Variants in CBLB observed in about 807,000 individuals in gnomAD.
CBLB encodes E3 ubiquitin-protein ligase CBL-B.
A neutral mutation model predicts 104.9 loss-of-function variants in CBLB; 31 were observed. That is an observed-to-expected ratio of 0.30 (90% CI 0.22 to 0.40). The LOEUF (loss-of-function observed/expected upper bound fraction) is 0.40, where lower values mean the gene tolerates loss of function less well. Ranked by LOEUF, CBLB falls within the 10% of genes least tolerant of loss-of-function variation. The pLI, the probability that CBLB is intolerant of heterozygous loss-of-function variation, is 1.00. For missense variants in CBLB, 1,062 were observed against 1,214.6 expected (o/e 0.87, Z 1.87); for synonymous variants, 440 against 422.6 (o/e 1.04, Z -0.51).
intron 12 of CBLB, among the ~76,000 whole-genome samples, chr3:105,695,256 A>G (rs1411904878): frequency 6.6e-6 from 1 of 151,892 alleles, no homozygotes; most frequent in Non-Finnish European, 1.5e-5. Flanking sequence ...AATAAAAGAC[A>G]GATATGGGAA....
chr3:105,856,348 CA>C (rs1169479720), intron 2 of CBLB, among the ~76,000 whole-genome samples: 1,525 of 31,106 alleles, frequency 0.049, 8 homozygotes, highest in African/African-American at 0.095. Flanking sequence ...GACTCCATCT[CA>C]AAAAAAAAAA....
At chr3:105,765,940 T>C (rs553146571) in intron 4 of CBLB, among the ~76,000 whole-genome samples, 12 of 152,308 alleles carry the variant, frequency 7.9e-5, no homozygotes, top group African/African-American at 2.4e-4. Flanking sequence ...CTGTCATATA[T>C]TGTGATAGCT....
At chr3:105,848,947 T>C (rs2090611981) in intron 3 of CBLB, among the ~76,000 whole-genome samples, 1 of 152,152 alleles carries the variant, frequency 6.6e-6, no homozygotes, top group African/African-American at 2.4e-5. Flanking sequence ...AAACATTTCA[T>C]GGGAGACTTT....
chr3:105,694,075 T>C (rs888796245), intron 12 of CBLB, among the ~76,000 whole-genome samples: 14 of 151,950 alleles, frequency 9.2e-5, no homozygotes, highest in Non-Finnish European at 1.6e-4. Flanking sequence ...TAATCAGAAG[T>C]GCCTTTGTTC....
chr3:105,731,142 T>C (rs9880861), intron 9 of CBLB, among the ~76,000 whole-genome samples: 38,560 of 151,976 alleles, frequency 0.25, 5,117 homozygotes, highest in Non-Finnish European at 0.28. Flanking sequence ...CAGTAACACA[T>C]AGACATGTTG....
At chr3:105,831,445 T>TA (rs774723739) in intron 3 of CBLB, among the ~76,000 whole-genome samples, 2 of 152,202 alleles carry the variant, frequency 1.3e-5, no homozygotes, top group Non-Finnish European at 2.9e-5. Flanking sequence ...ATTGTGAGCT[T>TA]CCCTCAAGTA....
chr3:105,722,980 A>C (rs2073101705), intron 9 of CBLB, among the ~76,000 whole-genome samples: 1 of 152,170 alleles, frequency 6.6e-6, no homozygotes, highest in South Asian at 2.1e-4. Context: ...TGTTGTTGAG[A>C]GTTTACATTA....
intron 18 of CBLB, among the ~76,000 whole-genome samples, chr3:105,659,514 TAGAG>T (rs1252912152): frequency 2.0e-5 from 3 of 152,152 alleles, no homozygotes; most frequent in Admixed American, 6.5e-5. Context: ...GTCAGAGAGA[TAGAG>T]AAAGGAAAAA....
At chr3:105,696,441 C>G (rs1279371830) in intron 12 of CBLB, among the ~76,000 whole-genome samples, 1 of 151,794 alleles carries the variant, frequency 6.6e-6, no homozygotes, top group Non-Finnish European at 1.5e-5. Flanking sequence ...TAAATCACAA[C>G]TTTGGGGGCT....
chr3:105,681,814 A>T lies in CBLB; in HGVS notation c.2206T>A (p.Cys736Ser). 1 of 1,586,886 alleles carries T rather than the reference A, an allele frequency of 6.3e-7. No homozygotes were observed. Among genetic ancestry groups the T allele is most frequent in the Non-Finnish European group, 8.7e-7 (1 of 1,155,822 alleles). The change falls in exon 15 of 19, where the codon TGT becomes AGT. Residue 736 changes from cysteine to serine, a missense_variant. Coordinates refer to ENST00000394030, the MANE Select transcript of CBLB (RefSeq NM_170662.5). The stretch of plus-strand genomic sequence containing the variant: ...TTCAGCATACAGTGACCATTATCAC[A>T]AGACCTAAAGGACAGTTCAGAGTAA... ...CHNVKPPVRS[C>S]DNGHCMLNGT...
chr3:105,679,560 G>C (rs1417597944), intron 16 of CBLB, among the ~76,000 whole-genome samples: 1 of 152,052 alleles, frequency 6.6e-6, no homozygotes, highest in Admixed American at 6.5e-5. Flanking sequence ...GGTGGATCAT[G>C]AGGTCAGGAG....
intron 3 of CBLB, among the ~76,000 whole-genome samples, chr3:105,835,580 A>C (rs1029227946): frequency 6.6e-6 from 1 of 152,196 alleles, no homozygotes; most frequent in Non-Finnish European, 1.5e-5. Context: ...TACACTCTTA[A>C]AAATACAACC....
intron 3 of CBLB, among the ~76,000 whole-genome samples, chr3:105,786,427 G>A (rs186952404): frequency 5.9e-5 from 9 of 152,210 alleles, no homozygotes; most frequent in Admixed American, 5.9e-4. Context: ...ACTCTGAAAG[G>A]CTCCACTGGC....
intron 14 of CBLB, among the ~76,000 whole-genome samples, chr3:105,683,739 T>A (rs2066621716): frequency 6.6e-6 from 1 of 152,216 alleles, no homozygotes. Context: ...ATACATAAAA[T>A]TAGCTCCTCG....
intron 3 of CBLB, among the ~76,000 whole-genome samples, chr3:105,844,260 C>G (rs2089958201): frequency 6.6e-6 from 1 of 152,164 alleles, no homozygotes; most frequent in African/African-American, 2.4e-5. Context: ...GATTTCTTGC[C>G]TCCAGAAATG....
chr3:105,839,517 T>C (rs1278800469), intron 3 of CBLB: 1 of 152,228 alleles, frequency 6.6e-6, no homozygotes, highest in African/African-American at 2.4e-5. Flanking sequence ...GAAAAAAGTA[T>C]TTAAGTTTAA....
intron 1 of CBLB, 140 bp downstream of exon 1, chr3:105,868,596 A>T: frequency 2.1e-6 from 1 of 468,518 alleles, no homozygotes; most frequent in Non-Finnish European, 3.0e-6. Flanking sequence ...TAAATGCCCC[A>T]CTTCAAACTG....
At chr3:105,699,165 T>C (rs185859109) in intron 12 of CBLB, among the ~76,000 whole-genome samples, 42 of 152,272 alleles carry the variant, frequency 2.8e-4, no homozygotes, top group Admixed American at 1.5e-3. Flanking sequence ...AACTTGGTTA[T>C]TGAGTGCTTA....
At chr3:105,663,906 G>GAAAA (rs60125170) in intron 18 of CBLB, among the ~76,000 whole-genome samples, 90 of 142,980 alleles carry the variant, frequency 6.3e-4, no homozygotes, top group Non-Finnish European at 9.5e-4. Context: ...AGCTTATTAG[G>GAAAA]AAAAAAAAAA....
Sources: allele counts gnomAD v4.1 joint callset (sites outside exome capture counted in the v4.1 genomes callset), GRCh38; gene constraint gnomAD v4.1.1; transcripts MANE v1.5; gene names NCBI Gene and HGNC (gene_info 2026-07-23, HGNC 2026-07-21).